Variants in PCDHA5 observed in about 807,000 individuals in gnomAD.
PCDHA5 encodes protocadherin alpha 5.
A neutral mutation model predicts 61.6 loss-of-function variants in PCDHA5; 43 were observed. The observed-to-expected ratio is 0.70, with a 90% CI of 0.55 to 0.90. PCDHA5 has a LOEUF of 0.90. Ranked by LOEUF, PCDHA5 falls within the 40% of genes least tolerant of loss-of-function variation. PCDHA5 has a pLI of 0.00. For synonymous variants in PCDHA5, 627 were observed against 543.9 expected (o/e 1.15, Z -2.13); for missense variants, 1,298 against 1,222.7 (o/e 1.06, Z -0.92).
At position 140,823,151 on chromosome 5, in the gene PCDHA5, A is replaced by G. The variant is rs1554129165; in HGVS notation, c.1376A>G (p.Tyr459Cys). Residue 459 changes from tyrosine to cysteine, a missense_variant, in exon 1 of 4, where the codon TAT (tyrosine) becomes TGT (cysteine). Physicochemically the swap from Tyr to Cys is radical, Grantham distance 194 (BLOSUM62 -2). Transcript: ENST00000529859. ...DNAPAFAQPQ[Y>C]TVFVKENNPP... ...GCTCCGGCGTTCGCGCAGCCCCAGTATACCGTGTTCGTGAAGGAGAACAAC... is the reference window on the plus strand; with the variant it reads ...GCTCCGGCGTTCGCGCAGCCCCAGTGTACCGTGTTCGTGAAGGAGAACAAC... The G allele has an allele frequency of 1.2e-6, 2 of 1,613,766 alleles. No individual in the cohort carries two copies. Among genetic ancestry groups the G allele is most frequent in the African/African-American group, 1.3e-5 (1 of 74,898 alleles).
At chr5:140,928,321 A>G (rs1296238254) in intron 1 of PCDHA5, 1 of 1,614,162 alleles carries the variant, frequency 6.2e-7, no homozygotes, top group Non-Finnish European at 8.5e-7. Context: ...CCTGGGGAAG[A>G]ATGGCCTTGT....
chr5:140,858,039 T>C lies in PCDHA5; in HGVS notation c.2352+33912T>C, dbSNP rs782597618. On this transcript the variant is annotated intron_variant, in intron 1 of 3. Transcript: ENST00000529859. ...CCGTCGCTGACGGCCACGGCCACTG[T>C]GCTTGTGTCGCTTGTGGAGGGCAGC... 1.1e-5 allele frequency: 18 copies of C among 1,596,560 alleles called. 2 individuals are homozygous for C. The highest frequency in any genetic ancestry group is 5.5e-5 in the South Asian group (5 of 90,506).
chr5:140,879,895 G>A (rs1176160335), intron 1 of PCDHA5, among the ~76,000 whole-genome samples: 2 of 152,112 alleles, frequency 1.3e-5, no homozygotes, highest in African/African-American at 4.8e-5. Context: ...TCCTCTCCAT[G>A]TCTCTCTCTA....
rs782310474 is a variant in PCDHA5 at position 140,858,120 on chromosome 5, T to C, written c.2352+33993T>C. 9 of 1,597,738 alleles carry C rather than the reference T, an allele frequency of 5.6e-6. 1 individual carries two copies. In the Admixed American group the frequency reaches 1.5e-4, roughly 27 times the overall value. ...GTGGGCGTGGCGCCCGAGGTGGCCC[T>C]GGTGGATGTCAACGTGTACCTGATC... On this transcript the variant is annotated intron_variant, in intron 1 of 3. Coordinates refer to ENST00000529859, the MANE Select transcript of PCDHA5 (RefSeq NM_018908.3).
intron 3 of PCDHA5, among the ~76,000 whole-genome samples, chr5:140,986,030 C>T (rs1190318789): frequency 2.6e-5 from 4 of 152,174 alleles, no homozygotes; most frequent in Non-Finnish European, 2.9e-5. Flanking sequence ...TGAGCCACTG[C>T]GCCTGGCCTC....
At position 140,828,217 on chromosome 5, in the gene PCDHA5, C is replaced by T. The variant is rs2150152488; in HGVS notation, c.2352+4090C>T. Reference sequence around the variant, plus strand: ...CCGTACCCGAGGAGGCCAAACACGGCACCTTCGTGGGCCGGATCGCGCAGG... The same window carrying T: ...CCGTACCCGAGGAGGCCAAACACGGTACCTTCGTGGGCCGGATCGCGCAGG... On this transcript the variant is annotated intron_variant, in intron 1 of 3. Transcript: ENST00000529859. 2.5e-6 allele frequency: 4 copies of T among 1,613,910 alleles called. No individual in the cohort carries two copies. In the African/African-American group the frequency reaches 5.3e-5, roughly 22 times the overall value.
chr5:140,883,475 AACT>A, intron 1 of PCDHA5: 1 of 1,614,106 alleles, frequency 6.2e-7, no homozygotes. Context: ...CACCTACAAG[AACT>A]ACTACTCATT....
chr5:140,937,039 C>CTTTTT, intron 1 of PCDHA5, among the ~76,000 whole-genome samples: 1 of 140,166 alleles, frequency 7.1e-6, no homozygotes, highest in Non-Finnish European at 1.5e-5. Flanking sequence ...TTCCATTTAT[C>CTTTTT]TTTTTTTTTT....
In PCDHA5 at chr5:140,879,424, A is replaced by T. The variant is rs181418893; in HGVS notation, c.2352+55297A>T. Reference sequence around the variant, plus strand: ...GTATTTGAGCAGGTAGGGAATGGAGATGAACATTTAAGAAAATGTTACTTT... The same window carrying T: ...GTATTTGAGCAGGTAGGGAATGGAGTTGAACATTTAAGAAAATGTTACTTT... On this transcript the variant is annotated intron_variant, in intron 1 of 3. Coordinates refer to ENST00000529859, the MANE Select transcript of PCDHA5 (RefSeq NM_018908.3). Among the ~76,000 whole-genome samples, 1,178 of 152,344 alleles carry T rather than the reference A, an allele frequency of 7.7e-3. 4 individuals carry two copies. The highest frequency in any genetic ancestry group is 0.013 in the Admixed American group (206 of 15,298).
chr5:140,831,934 C>T (rs1161923837), intron 1 of PCDHA5, among the ~76,000 whole-genome samples: 1 of 152,026 alleles, frequency 6.6e-6, no homozygotes, highest in African/African-American at 2.4e-5. Context: ...ACTAGTTTTC[C>T]GAAGAGGAAA....
chr5:141,009,356 G>A (rs535761188), intron 3 of PCDHA5, among the ~76,000 whole-genome samples: 1 of 152,204 alleles, frequency 6.6e-6, no homozygotes, highest in Admixed American at 6.5e-5. Flanking sequence ...CTACTTGGGA[G>A]GCTAAGATGG....
chr5:140,973,606 G>A (rs1554235444), intron 1 of PCDHA5, among the ~76,000 whole-genome samples: 1 of 152,204 alleles, frequency 6.6e-6, no homozygotes, highest in African/African-American at 2.4e-5. Flanking sequence ...TTATGGCTGA[G>A]CTCTTCTCTG....
At chr5:140,824,610 G>GTTTTTTTTTTTTTCTTTT (rs1768201815) in intron 1 of PCDHA5, 1 of 95,104 alleles carries the variant, frequency 1.1e-5, no homozygotes, top group African/African-American at 4.9e-5. Context: ...GCTAATTAAA[G>GTTTTTTTTTTTTTCTTTT]TTTTTTTTTT....
At chr5:140,921,473 C>T (rs2080232887) in intron 1 of PCDHA5, among the ~76,000 whole-genome samples, 1 of 152,186 alleles carries the variant, frequency 6.6e-6, no homozygotes, top group African/African-American at 2.4e-5. Flanking sequence ...CACTACCAAA[C>T]CACTCTACCT....
At chr5:140,912,200 T>C (rs191284675) in intron 1 of PCDHA5, among the ~76,000 whole-genome samples, 123 of 152,280 alleles carry the variant, frequency 8.1e-4, no homozygotes, top group African/African-American at 2.8e-3. Flanking sequence ...CCCACCCAGA[T>C]TGAGGGTAGA....
At chr5:140,996,386 C>G (rs574909973) in intron 3 of PCDHA5, among the ~76,000 whole-genome samples, 1 of 152,268 alleles carries the variant, frequency 6.6e-6, no homozygotes, top group South Asian at 2.1e-4. Flanking sequence ...GAAATAATGC[C>G]TCATAGAGTT....
intron 3 of PCDHA5, among the ~76,000 whole-genome samples, chr5:141,000,421 A>ATATAT (rs1265241806): frequency 3.6e-5 from 1 of 27,980 alleles, no homozygotes; most frequent in East Asian, 1.4e-3. Flanking sequence ...ATATATATAT[A>ATATAT]TTTTTTTTTT....
chr5:140,986,372 G>A lies in PCDHA5; in HGVS notation c.2500+3809G>A, dbSNP rs570215048. ...TCTTCAGATGGAGGAATGCGTTTTG[G>A]GGGGAGGGACATTAAAGGGCCAGTC... On this transcript the variant is annotated intron_variant, in intron 3 of 3. Coordinates refer to ENST00000529859, the MANE Select transcript of PCDHA5 (RefSeq NM_018908.3). Among the ~76,000 whole-genome samples, 23 of 152,248 alleles carry A rather than the reference G, an allele frequency of 1.5e-4. No homozygotes were observed. In the East Asian group the frequency reaches 1.7e-3, roughly 12 times the overall value.
At chr5:140,858,165 C>G in intron 1 of PCDHA5, 1 of 1,597,786 alleles carries the variant, frequency 6.3e-7, no homozygotes, top group Non-Finnish European at 8.6e-7. Flanking sequence ...TGCGCGGTGT[C>G]CAGCTTGCTG....
Sources: allele counts gnomAD v4.1 joint callset (sites outside exome capture counted in the v4.1 genomes callset), GRCh38; gene constraint gnomAD v4.1.1; transcripts MANE v1.5; gene names NCBI Gene and HGNC (gene_info 2026-07-23, HGNC 2026-07-21).